Variants in FBP2 observed in about 807,000 individuals in gnomAD.
FBP2 encodes fructose-1,6-bisphosphatase isozyme 2.
FBP2 carries 27 observed loss-of-function variants against 31.6 expected under a neutral mutation model. That is an observed-to-expected ratio of 0.85 (90% confidence interval 0.63 to 1.18). The LOEUF (loss-of-function observed/expected upper bound fraction) is 1.18. Among genes scored for constraint, FBP2 ranks in the 50% most tolerant of loss-of-function variants. The pLI, the probability that FBP2 is intolerant of heterozygous loss-of-function variation, is 0.00. For missense variants in FBP2, 421 were observed against 436.1 expected, an observed-to-expected ratio of 0.97 and a Z score of 0.31; for synonymous variants, 168 against 179.8, an observed-to-expected ratio of 0.93 and a Z score of 0.53.
At chr9:94,560,697 T>C (rs1352394702) in intron 6 of FBP2, among the ~76,000 whole-genome samples, 1 of 148,122 alleles carries the variant, frequency 6.8e-6, no homozygotes, top group Non-Finnish European at 1.5e-5. Context: ...TTTTCTATTA[T>C]ATATTTATAT....
chr9:94,567,195 CCTGAAGCCA>C, intron 5 of FBP2, 66 bp downstream of exon 5: 1 of 1,522,976 alleles, frequency 6.6e-7, no homozygotes, highest in Non-Finnish European at 9.1e-7. Flanking sequence ...CAGCAAAGCC[CCTGAAGCCA>C]CCACCCAAAC....
At chr9:94,571,122 T>C (rs1403330695) in intron 4 of FBP2, among the ~76,000 whole-genome samples, 1 of 152,204 alleles carries the variant, frequency 6.6e-6, no homozygotes, top group Non-Finnish European at 1.5e-5. Context: ...AACGAACCCA[T>C]GCTTCTGCTG....
chr9:94,567,404 G>C lies in FBP2; in HGVS notation c.571C>G (p.Leu191Val), dbSNP rs1293258808. The C allele has an allele frequency of 6.2e-7, 1 of 1,613,834 alleles. No individual in the cohort carries two copies. Among genetic ancestry groups the C allele is most frequent in the African/African-American group, 1.3e-5 (1 of 74,876 alleles). The change falls in exon 5 of 7, where the codon CTT becomes GTT. Residue 191 changes from leucine to valine, a missense_variant. Physicochemically the swap from Leu to Val is conservative, Grantham distance 32 (BLOSUM62 1). Coordinates refer to ENST00000375337, the MANE Select transcript of FBP2 (RefSeq NM_003837.4). Reference sequence around the variant, plus strand: ...TTTTCCACCAGGACAAATTCACCAAGAGCCTAGCAACATGAAGAGAGATGC... The same window carrying C: ...TTTTCCACCAGGACAAATTCACCAACAGCCTAGCAACATGAAGAGAGATGC... Reference protein sequence around the residue: ...GVDLFMLDPALGEFVLVEKDV... With the variant: ...GVDLFMLDPAVGEFVLVEKDV...
chr9:94,584,719 A>G (rs1356073835), intron 2 of FBP2, 50 bp from the exon 3 acceptor site: 6 of 1,146,252 alleles, frequency 5.2e-6, no homozygotes, highest in Non-Finnish European at 8.0e-6. Context: ...TCCCATTAGC[A>G]CAATTGCTCT....
intron 6 of FBP2, among the ~76,000 whole-genome samples, chr9:94,559,602 T>C (rs1161873026): frequency 6.6e-6 from 1 of 152,046 alleles, no homozygotes; most frequent in Non-Finnish European, 1.5e-5. Flanking sequence ...GTGGCTGGGA[T>C]TGTGTGGAGG....
chr9:94,559,148 G>A lies in FBP2; in HGVS notation c.826-16C>T, dbSNP rs376892198. The A allele has an allele frequency of 1.1e-3, 1,815 of 1,604,172 alleles. 3 individuals are homozygous for A. Among genetic ancestry groups the A allele is most frequent in the Non-Finnish European group, 1.4e-3 (1,686 of 1,173,758 alleles). The stretch of plus-strand genomic sequence containing the variant: ...GGAGCCGGAGCTGTGGAGGAACAGA[G>A]GCAGGTGAGTAAACTCTGCAAGTGG... On this transcript the variant is annotated splice_polypyrimidine_tract_variant and intron_variant, in intron 6 of 6. Coordinates refer to ENST00000375337, the MANE Select transcript of FBP2 (RefSeq NM_003837.4).
chr9:94,591,135 G>T (rs970690110), intron 1 of FBP2, among the ~76,000 whole-genome samples: 3 of 152,348 alleles, frequency 2.0e-5, no homozygotes, highest in Non-Finnish European at 4.4e-5. Context: ...GTCCTGCGCC[G>T]TGCGCGCGCA....
intron 3 of FBP2, among the ~76,000 whole-genome samples, chr9:94,582,916 G>C (rs1007784798): frequency 2.1e-5 from 3 of 142,352 alleles, no homozygotes; most frequent in African/African-American, 5.3e-5. Flanking sequence ...GTGCAATGGC[G>C]CAATCTCAGC....
At chr9:94,574,249 C>T (rs4314706) in intron 3 of FBP2, among the ~76,000 whole-genome samples, 64,657 of 151,876 alleles carry the variant, frequency 0.43, 14,505 homozygotes, top group Admixed American at 0.52. Flanking sequence ...AAAAATTGTC[C>T]TCCAGAAAGA....
chr9:94,573,425 C>T (rs1466112831), intron 3 of FBP2, among the ~76,000 whole-genome samples: 1 of 152,092 alleles, frequency 6.6e-6, no homozygotes, highest in Non-Finnish European at 1.5e-5. Flanking sequence ...CCCCCCTCTC[C>T]AGCTAATGTC....
At chr9:94,565,785 TAGA>T (rs764153379) in intron 5 of FBP2, among the ~76,000 whole-genome samples, 4 of 146,060 alleles carry the variant, frequency 2.7e-5, no homozygotes, top group Non-Finnish European at 4.5e-5. Context: ...GATAGATAGA[TAGA>T]TGATAGATAG....
At chr9:94,589,132 G>A (rs1827462897) in intron 1 of FBP2, among the ~76,000 whole-genome samples, 1 of 147,184 alleles carries the variant, frequency 6.8e-6, no homozygotes, top group Non-Finnish European at 1.5e-5. Context: ...CACAATGGCA[G>A]GATTTTTTTT....
At chr9:94,562,047 C>T (rs1827113546) in intron 6 of FBP2, among the ~76,000 whole-genome samples, 1 of 152,152 alleles carries the variant, frequency 6.6e-6, no homozygotes, top group Admixed American at 6.5e-5. Flanking sequence ...CGCTGTGACT[C>T]ATACCTGTAA....
chr9:94,591,637 C>CA (rs776646288), intron 1 of FBP2, among the ~76,000 whole-genome samples: 2 of 152,180 alleles, frequency 1.3e-5, no homozygotes, highest in Non-Finnish European at 2.9e-5. Flanking sequence ...CGCCAGTGGT[C>CA]ATTGACGGCT....
At chr9:94,564,698 A>G (rs573773820) in intron 5 of FBP2, among the ~76,000 whole-genome samples, 11 of 152,098 alleles carry the variant, frequency 7.2e-5, no homozygotes, top group Non-Finnish European at 1.2e-4. Context: ...AGCAGAAAAG[A>G]TAAGTATTGG....
chr9:94,577,280 T>C (rs1277171227), intron 3 of FBP2: 2 of 152,260 alleles, frequency 1.3e-5, no homozygotes, highest in African/African-American at 4.8e-5. Flanking sequence ...TTTCTTTTCT[T>C]TTTCTCATTT....
At chr9:94,566,946 T>C (rs900489639) in intron 5 of FBP2, among the ~76,000 whole-genome samples, 2 of 121,414 alleles carry the variant, frequency 1.6e-5, no homozygotes, top group Non-Finnish European at 3.4e-5. Context: ...TGAGTGAGTC[T>C]ATAGGTTGGA....
intron 6 of FBP2, among the ~76,000 whole-genome samples, chr9:94,562,186 C>T (rs1736091909): frequency 6.6e-6 from 1 of 151,856 alleles, no homozygotes; most frequent in Non-Finnish European, 1.5e-5. Flanking sequence ...TGGCGGGCGC[C>T]TGTAGTCCCA....
chr9:94,567,294 A>G lies in FBP2; in HGVS notation c.681T>C (p.Tyr227=). ...AKYFDAATTE[Y]VQKKKFPEDG... is the part of the protein sequence containing the mutation. ...CCTCAGGGAATTTCTTTTTCTGCAC[A>G]TATTCAGTGGTGGCCGCATCAAAAT... The change falls in exon 5 of 7, where the codon TAT becomes TAC. Residue 227 remains tyrosine, a synonymous_variant. Transcript: ENST00000375337. The G allele has an allele frequency of 1.2e-6, 2 of 1,614,158 alleles. No individual in the cohort carries two copies. Among genetic ancestry groups the G allele is most frequent in the Non-Finnish European group, 1.7e-6 (2 of 1,180,024 alleles).
Sources: allele counts gnomAD v4.1 joint callset (sites outside exome capture counted in the v4.1 genomes callset), GRCh38; gene constraint gnomAD v4.1.1; transcripts MANE v1.5; gene names NCBI Gene and HGNC (gene_info 2026-07-23, HGNC 2026-07-21).